The following GRAMD1C variants were observed in gnomAD, a reference collection of about 807,000 sequenced individuals.
The protein encoded by GRAMD1C is protein Aster-C.
Under a neutral mutation model 97.8 loss-of-function variants are expected in GRAMD1C, and 89 were observed. That is an observed-to-expected ratio of 0.91 (90% CI 0.77 to 1.09). GRAMD1C has a LOEUF of 1.09. GRAMD1C is among the 50% of genes least tolerant of loss of function. GRAMD1C has a pLI of 0.00. For synonymous variants in GRAMD1C, 256 were observed against 267.0 expected (o/e 0.96, Z 0.40); for missense variants, 740 against 766.4 (o/e 0.97, Z 0.41).
At chr3:113,919,748 T>G (rs1405385275) in intron 10 of GRAMD1C, 4 of 586,994 alleles carry the variant, frequency 6.8e-6, no homozygotes, top group South Asian at 3.0e-5. Flanking sequence ...TCTACATATA[T>G]AATTTGAATA....
chr3:113,909,752 AAAG>A (rs1936500781), intron 9 of GRAMD1C, among the ~76,000 whole-genome samples: 1 of 152,226 alleles, frequency 6.6e-6, no homozygotes, highest in Non-Finnish European at 1.5e-5. Flanking sequence ...AAAAGGAAAT[AAAG>A]AAGATTCTCA....
At position 113,885,362 on chromosome 3, in the gene GRAMD1C, G is replaced by A. The variant is rs898666500; in HGVS notation, c.540+2530G>A. 7 of 1,594,128 alleles carry A rather than the reference G, an allele frequency of 4.4e-6. No individual in the cohort carries two copies. In the Admixed American group the frequency reaches 8.4e-5, roughly 19 times the overall value. ...GTGGCCTTCGCTGCCAAGCTCTGGAGCTTCTTCATTTACCTTTTGCGGGGG... is the reference window on the plus strand; with the variant it reads ...GTGGCCTTCGCTGCCAAGCTCTGGAACTTCTTCATTTACCTTTTGCGGGGG... On this transcript the variant is annotated intron_variant, in intron 6 of 17. Coordinates refer to ENST00000358160, the MANE Select transcript of GRAMD1C (RefSeq NM_017577.5).
At chr3:113,877,074 T>G (rs1935075635) in intron 5 of GRAMD1C, among the ~76,000 whole-genome samples, 1 of 152,130 alleles carries the variant, frequency 6.6e-6, no homozygotes, top group South Asian at 2.1e-4. Context: ...CCTCGAGCAT[T>G]TGGGTCATGC....
chr3:113,924,048 T>G (rs763214567), intron 10 of GRAMD1C, among the ~76,000 whole-genome samples: 44 of 151,920 alleles, frequency 2.9e-4, no homozygotes, highest in Non-Finnish European at 6.2e-4. Flanking sequence ...TCTTCTAGGT[T>G]TTCTAGTTTT....
chr3:113,887,295 T>C (rs892615937), intron 6 of GRAMD1C, among the ~76,000 whole-genome samples: 2 of 151,526 alleles, frequency 1.3e-5, no homozygotes, highest in Admixed American at 6.6e-5. Flanking sequence ...TTTCACCATA[T>C]TGGTCAGGCT....
Position 113,896,783 on chromosome 3 carries a change from A to G in GRAMD1C, c.541-4248A>G, listed in dbSNP as rs536382847. On this transcript the variant is annotated intron_variant, in intron 6 of 17. Coordinates refer to ENST00000358160, the MANE Select transcript of GRAMD1C (RefSeq NM_017577.5). ...AAAGGTTGATCCGTGGAGTTCATCA[A>G]GTAGCCTTTGATTTGTTTACACACA... Among the ~76,000 whole-genome samples, 21 of 152,314 alleles carry G rather than the reference A, an allele frequency of 1.4e-4. No individual in the cohort carries two copies. In the East Asian group the frequency reaches 3.7e-3, roughly 27 times the overall value.
At chr3:113,852,525 C>G (rs1231214338) in intron 2 of GRAMD1C, among the ~76,000 whole-genome samples, 2 of 152,028 alleles carry the variant, frequency 1.3e-5, no homozygotes, top group African/African-American at 2.4e-5. Context: ...CTAAGGGTAC[C>G]TAGCAATGCT....
intron 5 of GRAMD1C, among the ~76,000 whole-genome samples, chr3:113,878,252 G>A (rs1419806415): frequency 6.6e-6 from 1 of 152,122 alleles, no homozygotes; most frequent in African/African-American, 2.4e-5. Flanking sequence ...AATTTGGTCA[G>A]TGGGAGCCCC....
chr3:113,906,669 C>G (rs1409905590), intron 8 of GRAMD1C, among the ~76,000 whole-genome samples: 3 of 151,590 alleles, frequency 2.0e-5, no homozygotes, highest in Admixed American at 6.6e-5. Flanking sequence ...TTTGGTAAAT[C>G]TATTGTAGCC....
intron 3 of GRAMD1C, among the ~76,000 whole-genome samples, chr3:113,873,776 C>G (rs1934926213): frequency 6.6e-6 from 1 of 152,172 alleles, no homozygotes; most frequent in Non-Finnish European, 1.5e-5. Context: ...GCCTTGGCCT[C>G]CCAAAGTACT....
intron 12 of GRAMD1C, 43 bp from the exon 13 acceptor site, chr3:113,934,389 G>C (rs1937537778): frequency 1.1e-6 from 1 of 893,016 alleles, no homozygotes; most frequent in East Asian, 2.5e-5. Context: ...TATAACTAAA[G>C]TCTGCTCTTT....
intron 5 of GRAMD1C, among the ~76,000 whole-genome samples, chr3:113,882,359 G>GTGTA (rs1935301318): frequency 6.6e-6 from 1 of 151,952 alleles, no homozygotes; most frequent in African/African-American, 2.4e-5. Flanking sequence ...TTATTCCTTT[G>GTGTA]TGTATACTTG....
Position 113,914,680 on chromosome 3 carries a change from G to GTT in GRAMD1C, c.953-1010_953-1009dup, listed in dbSNP as rs573913049. Reference sequence around the variant, plus strand: ...TATTATGCCAGGCTTCTGTTCCTTGGTTTTTTTTTTTTCTTTTCTGTTTGG... The same window carrying GTT: ...TATTATGCCAGGCTTCTGTTCCTTGGTTTTTTTTTTTTTTCTTTTCTGTTTGG... On this transcript the variant is annotated intron_variant, in intron 9 of 17. Coordinates refer to ENST00000358160, the MANE Select transcript of GRAMD1C (RefSeq NM_017577.5). 8.3e-5 allele frequency among the ~76,000 whole-genome samples: 12 copies of GTT among 145,306 alleles called. 1 individual carries two copies. Among genetic ancestry groups the GTT allele is most frequent in the Admixed American group, 6.9e-4 (10 of 14,508 alleles).
chr3:113,894,522 G>A (rs548612995), intron 6 of GRAMD1C, among the ~76,000 whole-genome samples: 1 of 152,196 alleles, frequency 6.6e-6, no homozygotes, highest in African/African-American at 2.4e-5. Flanking sequence ...CAGGTGATCT[G>A]CCTGCCTTGG....
At chr3:113,862,874 C>T (rs1934437599) in intron 2 of GRAMD1C, among the ~76,000 whole-genome samples, 1 of 152,148 alleles carries the variant, frequency 6.6e-6, no homozygotes, top group African/African-American at 2.4e-5. Flanking sequence ...TTCCTGACTT[C>T]CTGCAACACA....
chr3:113,850,789 TATTTTTATTTTTTTA>T (rs1559777905), intron 2 of GRAMD1C: 26 of 796,212 alleles, frequency 3.3e-5, no homozygotes, highest in Non-Finnish European at 4.3e-5. Context: ...ATTTTTTTTT[TATTTTTATTTTTTTA>T]ATTTTTATTT....
Position 113,930,765 on chromosome 3 carries a change from C to T in GRAMD1C, c.1142C>T (p.Thr381Met), listed in dbSNP as rs199937431. 184 of 1,612,162 alleles carry T rather than the reference C, an allele frequency of 1.1e-4. No individual in the cohort carries two copies. Among genetic ancestry groups the T allele is most frequent in the African/African-American group, 7.7e-4 (58 of 75,002 alleles). The change falls in exon 11 of 18, where the codon ACG becomes ATG. Residue 381 changes from threonine to methionine, a missense_variant. Thr to Met is a moderately conservative substitution (Grantham distance 81). Transcript: ENST00000358160. Reference sequence around the variant, plus strand: ...GAACTTGGAGGTGATCAGCTGAGAACGATGACCTACACTATAGTCCTTAAT... The same window carrying T: ...GAACTTGGAGGTGATCAGCTGAGAATGATGACCTACACTATAGTCCTTAAT... ...TAELGGDQLR[T>M]MTYTIVLNSP...
At chr3:113,875,995 G>A in intron 4 of GRAMD1C, 170 bp from the exon 5 acceptor site, 1 of 515,480 alleles carries the variant, frequency 1.9e-6, no homozygotes, top group African/African-American at 2.0e-5. Flanking sequence ...TGCTTACCCT[G>A]TTTTTCTCAG....
upstream of GRAMD1C, among the ~76,000 whole-genome samples, chr3:113,836,116 T>C (rs1420017145): frequency 2.0e-5 from 3 of 151,958 alleles, no homozygotes; most frequent in Non-Finnish European, 4.4e-5. Context: ...ATACAAAAAT[T>C]AGCCGGGCAT....
Sources: allele counts gnomAD v4.1 joint callset (sites outside exome capture counted in the v4.1 genomes callset), GRCh38; gene constraint gnomAD v4.1.1; transcripts MANE v1.5; gene names NCBI Gene and HGNC (gene_info 2026-07-23, HGNC 2026-07-21).